The following CD200R1 variants were observed in gnomAD, a reference collection of about 807,000 sequenced individuals.
CD200R1 encodes CD200 receptor 1.
In CD200R1, 30 loss-of-function variants were observed where a neutral mutation model predicts 38.1. The ratio of observed to expected loss-of-function variants is 0.79; its 90% CI spans 0.59 to 1.07. The LOEUF is 1.07. CD200R1 is among the 50% of genes least tolerant of loss of function. CD200R1 has a pLI of 0.00. For synonymous variants in CD200R1, 128 were observed against 152.1 expected, an observed-to-expected ratio of 0.84 and a Z score of 1.16; for missense variants, 372 against 415.4, an observed-to-expected ratio of 0.90 and a Z score of 0.91.
chr3:112,943,929 G>A (rs6769091), intron 2 of CD200R1, among the ~76,000 whole-genome samples: 90,829 of 151,588 alleles, frequency 0.6, 27,635 homozygotes, highest in African/African-American at 0.71. Flanking sequence ...ACTATATCTA[G>A]TAAATAAATT....
At chr3:112,961,053 C>CA (rs1223603158) in intron 1 of CD200R1, among the ~76,000 whole-genome samples, 4 of 150,436 alleles carry the variant, frequency 2.7e-5, no homozygotes, top group Non-Finnish European at 5.9e-5. Context: ...AGATGTTCAG[C>CA]AAAAAAAAGA....
Position 112,948,032 on chromosome 3 carries a change from G to A in CD200R1, c.68-108C>T. Reference sequence around the variant, plus strand: ...ACATTCTTCAGACTATTTTTGTATTGCAGTTGCCAATGAATATCTAAATTA... The same window carrying A: ...ACATTCTTCAGACTATTTTTGTATTACAGTTGCCAATGAATATCTAAATTA... On this transcript the variant is annotated intron_variant, in intron 1 of 7. Transcript: ENST00000308611. 2 of 744,582 alleles carry A rather than the reference G, an allele frequency of 2.7e-6. 1 individual carries two copies. Among genetic ancestry groups the A allele is most frequent in the South Asian group, 3.0e-5 (2 of 65,946 alleles). The allele number at this position is 744,582 out of a possible 1,614,324, so 46.1% of individuals were successfully genotyped here.
intron 1 of CD200R1, among the ~76,000 whole-genome samples, chr3:112,952,197 A>G (rs1406551511): frequency 2.6e-5 from 4 of 152,144 alleles, no homozygotes; most frequent in Admixed American, 1.3e-4. Context: ...TATATACTTT[A>G]TTGATTTTTA....
intron 2 of CD200R1, among the ~76,000 whole-genome samples, chr3:112,934,135 A>T (rs886774148): frequency 6.6e-6 from 1 of 152,124 alleles, no homozygotes; most frequent in African/African-American, 2.4e-5. Context: ...GAAGTTCAAA[A>T]TTTCCCAAAT....
At chr3:112,935,268 A>G (rs927068316) in intron 2 of CD200R1, among the ~76,000 whole-genome samples, 1 of 152,238 alleles carries the variant, frequency 6.6e-6, no homozygotes, top group East Asian at 1.9e-4. Context: ...AACATTTTAT[A>G]TAACAGCTGC....
At chr3:112,940,688 T>C (rs1459818229) in intron 2 of CD200R1, among the ~76,000 whole-genome samples, 1 of 151,746 alleles carries the variant, frequency 6.6e-6, no homozygotes. Context: ...GGAATTCTTA[T>C]AAATCACTGA....
In CD200R1 at chr3:112,974,981, A is replaced by C; in HGVS notation, c.-124T>G. ...CAGTACAGGATCCTCTTACCCCATCAACAGTGGGGCACTCCCTTCCTTCTA... is the reference window on the plus strand; with the variant it reads ...CAGTACAGGATCCTCTTACCCCATCCACAGTGGGGCACTCCCTTCCTTCTA... On this transcript the variant is annotated 5_prime_UTR_variant, in exon 1 of 8. Coordinates refer to ENST00000308611, the MANE Select transcript of CD200R1 (RefSeq NM_138806.4). The C allele has an allele frequency of 1.4e-6, 1 of 726,060 alleles. No individual in the cohort carries two copies. Among genetic ancestry groups the C allele is most frequent in the Non-Finnish European group, 2.4e-6 (1 of 411,740 alleles). The allele number at this position is 726,060 out of a possible 1,614,324, so 45.0% of individuals were successfully genotyped here. A position where few individuals can be genotyped will look rare whatever the true frequency, so the allele number is the denominator to read the frequency against.
At chr3:112,923,888 T>G in intron 7 of CD200R1, 89 bp from the exon 8 acceptor site, 1 of 759,442 alleles carries the variant, frequency 1.3e-6, no homozygotes, top group East Asian at 2.8e-5. Context: ...AGCTTTAGTA[T>G]TTCTAACAGG....
rs913306043 is a variant in CD200R1, at chr3:112,931,303, A to T, written c.137-132T>A. The T allele has an allele frequency of 8.7e-6, 5 of 577,176 alleles. No individual in the cohort carries two copies. The East Asian group carries it at 1.4e-4, about 16-fold the overall frequency. The allele number at this position is 577,176 out of a possible 1,614,324, so 35.8% of individuals were successfully genotyped here. On this transcript the variant is annotated intron_variant, in intron 2 of 7. Coordinates refer to ENST00000308611, the MANE Select transcript of CD200R1 (RefSeq NM_138806.4). Reference sequence around the variant, plus strand: ...CCATAATTAAAATTACACAAAAATCATTGTAAAACAGAAATTAGAAGTCAT... The same window carrying T: ...CCATAATTAAAATTACACAAAAATCTTTGTAAAACAGAAATTAGAAGTCAT...
intron 3 of CD200R1, 127 bp downstream of exon 3, chr3:112,930,979 G>C: frequency 1.5e-6 from 1 of 675,184 alleles, no homozygotes; most frequent in South Asian, 1.7e-5. Context: ...TCATACCACA[G>C]TACTCAGATC....
chr3:112,928,730 C>T (rs1453235331), intron 5 of CD200R1, 86 bp downstream of exon 5: 4 of 1,100,110 alleles, frequency 3.6e-6, no homozygotes, highest in Non-Finnish European at 5.2e-6. Context: ...CATCCTCGAA[C>T]AAAATATATT....
rs953349805 is a variant in CD200R1 at position 112,967,238 on chromosome 3, A to T, written c.67+7553T>A. ...TCTCCTCTTGCTCCTTAACCCCTTG[A>T]ACTTCAACTAGATCTCTATACAGGT... On this transcript the variant is annotated intron_variant, in intron 1 of 7. Transcript: ENST00000308611. 7.9e-5 allele frequency among the ~76,000 whole-genome samples: 12 copies of T among 152,126 alleles called. 1 individual carries two copies. The highest frequency in any genetic ancestry group is 3.3e-4 in the Admixed American group (5 of 15,284).
intron 1 of CD200R1, among the ~76,000 whole-genome samples, chr3:112,957,659 A>G (rs1377465067): frequency 6.6e-6 from 1 of 152,192 alleles, no homozygotes; most frequent in Non-Finnish European, 1.5e-5. Context: ...CAAAATTTAA[A>G]TATTTTGCTT....
At chr3:112,946,651 C>T (rs1255997111) in intron 2 of CD200R1, among the ~76,000 whole-genome samples, 4 of 152,098 alleles carry the variant, frequency 2.6e-5, no homozygotes, top group Admixed American at 6.5e-5. Context: ...ACACCAAAGG[C>T]GAGGAGTGGA....
chr3:112,925,027 C>T, intron 6 of CD200R1, 58 bp downstream of exon 6: 1 of 1,004,420 alleles, frequency 1.0e-6, no homozygotes, highest in Non-Finnish European at 1.6e-6. Flanking sequence ...TTCCATATTT[C>T]TGACTCTTTT....
chr3:112,932,538 A>T (rs1346384749), intron 2 of CD200R1, among the ~76,000 whole-genome samples: 1 of 151,976 alleles, frequency 6.6e-6, no homozygotes, highest in African/African-American at 2.4e-5. Context: ...GGCCACAGAC[A>T]TGTCCCCAGG....
At chr3:112,958,720 CAAAT>C (rs1445296369) in intron 1 of CD200R1, among the ~76,000 whole-genome samples, 1 of 152,134 alleles carries the variant, frequency 6.6e-6, no homozygotes, top group Non-Finnish European at 1.5e-5. Flanking sequence ...TGCATCCACA[CAAAT>C]AAACACAAAA....
At chr3:112,943,348 T>C (rs1940769466) in intron 2 of CD200R1, among the ~76,000 whole-genome samples, 1 of 151,684 alleles carries the variant, frequency 6.6e-6, no homozygotes, top group Non-Finnish European at 1.5e-5. Context: ...CCAAAATATT[T>C]GGAGATTATA....
chr3:112,924,963 G>T, intron 6 of CD200R1, 122 bp downstream of exon 6: 1 of 678,288 alleles, frequency 1.5e-6, no homozygotes, highest in African/African-American at 1.9e-5. Flanking sequence ...ACACCTTCAA[G>T]ATTTGATTAT....
Sources: gnomAD v4.1 joint callset for allele counts (sites outside exome capture counted in the v4.1 genomes callset) on GRCh38, gnomAD v4.1.1 for gene constraint, MANE v1.5 for transcripts, NCBI Gene and HGNC (gene_info 2026-07-23, HGNC 2026-07-21) for gene names.